OCA2: variants seen among roughly 807,000 people sequenced by gnomAD.
OCA2 encodes the protein P protein.
In OCA2, 77 loss-of-function variants were observed where a neutral mutation model predicts 100.2. The observed-to-expected ratio is 0.77, with a 90% CI of 0.64 to 0.93. The LOEUF is 0.93. Among genes scored for constraint, OCA2 ranks in the 40% least tolerant of loss-of-function variants. The probability of loss-of-function intolerance (pLI) is 0.00; values close to 1 mark genes in which losing one functional copy is unlikely to be tolerated. For missense variants in OCA2, 1,062 were observed against 1,089.1 expected (o/e 0.98, Z 0.35); for synonymous variants, 432 against 439.2 (o/e 0.98, Z 0.21).
chr15:27,719,345 C>A, the OCA2 span, among the ~76,000 whole-genome samples: 577 of 152,220 alleles, frequency 3.8e-3, 4 homozygotes, highest in African/African-American at 0.013. Context: ...GGACACCAGT[C>A]GTATTTAATT....
At chr15:28,032,805 AAAAACAAAAC>A (rs1254037681) in intron 2 of OCA2, among the ~76,000 whole-genome samples, 1 of 151,824 alleles carries the variant, frequency 6.6e-6, no homozygotes, top group African/African-American at 2.4e-5. Flanking sequence ...AAAAAAAAAA[AAAAACAAAAC>A]AAAAAAACAT....
intron 15 of OCA2, among the ~76,000 whole-genome samples, chr15:27,966,116 C>A (rs1416415222): frequency 2.0e-5 from 3 of 152,126 alleles, no homozygotes; most frequent in Non-Finnish European, 4.4e-5. Flanking sequence ...GATTACAGGC[C>A]TGTGCCACCA....
chr15:27,932,889 G>A (rs980786803), intron 18 of OCA2, among the ~76,000 whole-genome samples: 11 of 151,978 alleles, frequency 7.2e-5, no homozygotes, highest in African/African-American at 1.7e-4. Context: ...TAATAACCCC[G>A]GGGAAGGGAG....
At chr15:27,948,741 C>A (rs548792259) in intron 18 of OCA2, among the ~76,000 whole-genome samples, 1 of 152,176 alleles carries the variant, frequency 6.6e-6, no homozygotes, top group Admixed American at 6.5e-5. Context: ...GCTAGGATTA[C>A]GGGCATGAGC....
intron 4 of OCA2, 81 bp from the exon 5 acceptor site, chr15:28,024,983 G>A (rs2042706139): frequency 7.8e-7 from 1 of 1,277,068 alleles, no homozygotes; most frequent in African/African-American, 1.5e-5. Flanking sequence ...GCAGCCTTGA[G>A]TAACTTCCAT....
intron 23 of OCA2, among the ~76,000 whole-genome samples, chr15:27,825,768 T>A (rs2034696465): frequency 6.6e-6 from 1 of 152,286 alleles, no homozygotes; most frequent in South Asian, 2.1e-4. Flanking sequence ...CCCGGAAGTG[T>A]CCAGCTCCCG....
At chr15:27,860,668 T>TATGTACC (rs1326972876) in intron 21 of OCA2, among the ~76,000 whole-genome samples, 4 of 152,248 alleles carry the variant, frequency 2.6e-5, no homozygotes, top group South Asian at 4.1e-4. Context: ...CCACAGTGTT[T>TATGTACC]ATGTACCACA....
At chr15:27,928,962 T>C (rs2039146960) in intron 18 of OCA2, among the ~76,000 whole-genome samples, 1 of 152,138 alleles carries the variant, frequency 6.6e-6, no homozygotes, top group Non-Finnish European at 1.5e-5. Flanking sequence ...GACTACAGGG[T>C]GGACTCCTTT....
At position 27,758,806 on chromosome 15, in the gene OCA2, A is replaced by T. The variant is rs140762560; in HGVS notation, c.2433-3334T>A. ...TCTGAAAAATGAAAAAAGACTAAAA[A>T]AACAAAAGGAACCAACCCTCAGGGA... On this transcript the variant is annotated intron_variant, in intron 23 of 23. Transcript: ENST00000354638. 2.5e-3 allele frequency among the ~76,000 whole-genome samples: 381 copies of T among 152,292 alleles called. 13 individuals are homozygous for T. In the East Asian group the frequency reaches 0.071, roughly 28 times the overall value.
At chr15:28,034,711 A>G (rs1369950048) in intron 2 of OCA2, among the ~76,000 whole-genome samples, 1 of 152,058 alleles carries the variant, frequency 6.6e-6, no homozygotes, top group South Asian at 2.1e-4. Context: ...TGAGAGGTCA[A>G]ACCTTCAATG....
chr15:27,984,276 G>A (rs993402750), intron 13 of OCA2, among the ~76,000 whole-genome samples: 5 of 152,146 alleles, frequency 3.3e-5, no homozygotes, highest in Admixed American at 6.5e-5. Flanking sequence ...CTCGCCCAGC[G>A]CAGACCAGTG....
intron 9 of OCA2, among the ~76,000 whole-genome samples, chr15:27,999,006 A>T (rs546946854): frequency 1.6e-4 from 25 of 152,164 alleles, no homozygotes; most frequent in African/African-American, 6.0e-4. Context: ...CAATGAGAAC[A>T]CATGGACACA....
chr15:28,005,005 C>T (rs1444216286), intron 9 of OCA2, among the ~76,000 whole-genome samples: 1 of 152,164 alleles, frequency 6.6e-6, no homozygotes, highest in East Asian at 1.9e-4. Flanking sequence ...CAAAGAAAAT[C>T]ACCATGCCTC....
At chr15:27,803,335 C>T (rs112240468) in intron 23 of OCA2, among the ~76,000 whole-genome samples, 5,818 of 152,212 alleles carry the variant, frequency 0.038, 350 homozygotes, top group African/African-American at 0.13. Context: ...AACCCAGTAT[C>T]CGTTGACAGA....
intron 15 of OCA2, among the ~76,000 whole-genome samples, chr15:27,960,905 CAAA>C (rs758989766): frequency 1.9e-5 from 2 of 105,572 alleles, no homozygotes; most frequent in Admixed American, 1.1e-4. Context: ...GGCTCCATCT[CAAA>C]AAAAAAAAAA....
rs115162808 is a variant in OCA2, at chr15:27,950,713, G to A, written c.1951+1071C>T. On this transcript the variant is annotated intron_variant, in intron 18 of 23. Transcript: ENST00000354638. The stretch of plus-strand genomic sequence containing the variant: ...GCTTTTTTACATAAGAGAAAAGGAA[G>A]ACCAACTTCTAGCCCATGAATGTCT... 5.5e-3 allele frequency: 1,715 copies of A among 314,176 alleles called. 28 individuals are homozygous for A. The highest frequency in any genetic ancestry group is 0.035 in the African/African-American group (1,587 of 45,786). 19.5% of individuals were successfully genotyped at this position (314,176 alleles called of 1,614,324 possible).
chr15:27,859,103 A>C (rs1321674717), intron 21 of OCA2, among the ~76,000 whole-genome samples: 2 of 152,078 alleles, frequency 1.3e-5, no homozygotes, highest in Admixed American at 6.5e-5. Flanking sequence ...ACCTAACTTC[A>C]CACCTTAAGA....
intron 19 of OCA2, among the ~76,000 whole-genome samples, chr15:27,905,501 CA>C (rs892570298): frequency 6.6e-6 from 1 of 152,134 alleles, no homozygotes; most frequent in Non-Finnish European, 1.5e-5. Context: ...CAGAACGGGC[CA>C]GGGGGAACTG....
chr15:27,925,634 C>G (rs1456895213), intron 19 of OCA2, among the ~76,000 whole-genome samples: 2 of 152,172 alleles, frequency 1.3e-5, no homozygotes, highest in African/African-American at 4.8e-5. Flanking sequence ...GTAAACCTTT[C>G]TGTTTGAGGA....
Sources: allele counts gnomAD v4.1 joint callset (sites outside exome capture counted in the v4.1 genomes callset), GRCh38; gene constraint gnomAD v4.1.1; transcripts MANE v1.5; gene names NCBI Gene and HGNC (gene_info 2026-07-23, HGNC 2026-07-21).